Variants in KIF2A observed in about 807,000 individuals in gnomAD.
KIF2A encodes the protein kinesin-like protein KIF2A.
KIF2A carries 22 observed loss-of-function variants against 100.2 expected under a neutral mutation model. That is an observed-to-expected ratio of 0.22 (90% CI 0.16 to 0.31). The LOEUF (loss-of-function observed/expected upper bound fraction) is 0.31, where lower values mean the gene tolerates loss of function less well. Ranked by LOEUF, KIF2A falls within the 10% of genes least tolerant of loss-of-function variation. The pLI is 1.00. For missense variants in KIF2A, 495 were observed against 898.7 expected, an observed-to-expected ratio of 0.55 and a Z score of 5.74; for synonymous variants, 268 against 285.9, an observed-to-expected ratio of 0.94 and a Z score of 0.63.
chr5:62,318,727 A>T (rs981576044), intron 1 of KIF2A, among the ~76,000 whole-genome samples: 28 of 151,846 alleles, frequency 1.8e-4, no homozygotes, highest in Admixed American at 6.6e-5. Context: ...GCTTGATCCT[A>T]CCCCTGCAGT....
chr5:62,382,855 C>T (rs1213270953), intron 20 of KIF2A, among the ~76,000 whole-genome samples: 1 of 150,512 alleles, frequency 6.6e-6, no homozygotes, highest in African/African-American at 2.4e-5. Flanking sequence ...TTGAACTCCT[C>T]ACCTCAGGTG....
intron 1 of KIF2A, chr5:62,308,620 A>T (rs1436719268): frequency 2.0e-5 from 14 of 697,730 alleles, no homozygotes; most frequent in South Asian, 4.5e-5. Flanking sequence ...CCTACTGTTT[A>T]CCACAACATA....
Position 62,347,173 on chromosome 5 carries a change from T to C in KIF2A, c.108T>C (p.Asn36=), listed in dbSNP as rs1747614494. The change falls in exon 2 of 21, where the codon AAT becomes AAC. Residue 36 remains asparagine, a synonymous_variant. Transcript: ENST00000407818. ...TGGTAACATCTTTAAATGAAGATAA[T>C]GAAAGTGTAACTGTTGAATGGATAG... ...QAMVTSLNED[N]ESVTVEWIEN... is the part of the protein sequence containing the mutation. 1 of 1,604,344 alleles carries C rather than the reference T, an allele frequency of 6.2e-7. No homozygotes were observed.
At chr5:62,317,926 G>A in intron 1 of KIF2A, among the ~76,000 whole-genome samples, 1 of 141,630 alleles carries the variant, frequency 7.1e-6, no homozygotes, top group South Asian at 2.2e-4. Flanking sequence ...AAACTCTCTT[G>A]CTCACAAGAC....
In KIF2A at chr5:62,361,275, T is replaced by C; in HGVS notation, c.906T>C (p.Phe302=). The C allele has an allele frequency of 1.2e-6, 2 of 1,607,556 alleles. No homozygotes were observed. Among genetic ancestry groups the C allele is most frequent in the Non-Finnish European group, 1.7e-6 (2 of 1,176,296 alleles). Residue 302 remains phenylalanine (F), a synonymous_variant, in exon 10 of 21, where the codon TTT becomes TTC. Transcript: ENST00000407818. ...FTARPLVETI[F]ERGMATCFAY... ...CTAGACCACTAGTGGAAACTATATT[T>C]GAAAGGGGAATGGCTACATGCTTTG... is the stretch of plus-strand genomic sequence containing the variant.
In KIF2A at chr5:62,342,059, C is replaced by G. The variant is rs1024481114; in HGVS notation, c.65-5071C>G. On this transcript the variant is annotated intron_variant, in intron 1 of 20. Transcript: ENST00000407818. ...TTCCTTAGGCTGAAATATTTCCTTC[C>G]TTTCTGCTGATAAAACCATATCAGT... Among the ~76,000 whole-genome samples, 51 of 152,138 alleles carry G rather than the reference C, an allele frequency of 3.4e-4. 1 individual carries two copies. The highest frequency in any genetic ancestry group is 3.3e-3 in the Admixed American group (51 of 15,276).
At chr5:62,346,774 T>C (rs115011828) in intron 1 of KIF2A, among the ~76,000 whole-genome samples, 3,288 of 152,326 alleles carry the variant, frequency 0.022, 55 homozygotes, top group Middle Eastern at 0.044. Context: ...TTTTGTTCTT[T>C]GTTCTACAGA....
At position 62,324,147 on chromosome 5, in the gene KIF2A, C is replaced by T. The variant is rs146178057; in HGVS notation, c.64+17611C>T. On this transcript the variant is annotated intron_variant, in intron 1 of 20. Transcript: ENST00000407818. ...CTAAAGAATAAAATACCTAGGAATA[C>T]AGCTAACCAAGGAAGCGAAAGAGCT... Among the ~76,000 whole-genome samples, 766 of 152,222 alleles carry T rather than the reference C, an allele frequency of 5.0e-3. 2 individuals carry two copies. The highest frequency in any genetic ancestry group is 0.02 in the South Asian group (95 of 4,816).
intron 6 of KIF2A, among the ~76,000 whole-genome samples, 176 bp from the exon 7 acceptor site, chr5:62,354,983 A>G (rs573005803): frequency 6.6e-6 from 1 of 152,288 alleles, no homozygotes; most frequent in East Asian, 1.9e-4. Context: ...TACAAACACA[A>G]AGTGGTTCAG....
chr5:62,358,321 C>T (rs772621668), intron 9 of KIF2A, 22 bp downstream of exon 9: 2 of 1,518,518 alleles, frequency 1.3e-6, no homozygotes, highest in Admixed American at 4.7e-5. Flanking sequence ...CATTTTAAAT[C>T]AGAATTTTGT....
rs774666970 is a variant in KIF2A, at chr5:62,366,401, T to C, written c.1579-13T>C. ...AACATTTTGTTTACCTTTGCATTTT[T>C]TTTTTCCTGTAGATTGCCACAATCT... On this transcript the variant is annotated splice_polypyrimidine_tract_variant and intron_variant, in intron 15 of 20. Coordinates refer to ENST00000407818, the MANE Select transcript of KIF2A (RefSeq NM_001098511.3). 6.4e-7 allele frequency: 1 copy of C among 1,551,134 alleles called. No homozygotes were observed. Among genetic ancestry groups the C allele is most frequent in the Non-Finnish European group, 8.8e-7 (1 of 1,138,536 alleles).
rs1745280504 is a variant in KIF2A at position 62,306,499 on chromosome 5, C to A, written c.27C>A (p.Ile9=). The change falls in exon 1 of 21, where the codon ATC becomes ATA. Residue 9 remains isoleucine (I), a synonymous_variant. Coordinates refer to ENST00000407818, the MANE Select transcript of KIF2A (RefSeq NM_001098511.3). ...TGGCAACGGCCAACTTCGGCAAGAT[C>A]CAGATCGGGATTTACGTGGAGATCA... MATANFGK[I]QIGIYVEIKR... The A allele has an allele frequency of 5.2e-6, 8 of 1,545,062 alleles. No homozygotes were observed. The highest frequency in any genetic ancestry group is 3.6e-5 in the South Asian group (3 of 83,272).
Position 62,373,983 on chromosome 5 carries a change from G to T in KIF2A, c.1911+146G>T. ...ATCTCACCAATTTGGGAGGCTGAGT[G>T]AGAGGACTGCTTGAGGCCAGGAGTT... On this transcript the variant is annotated intron_variant, in intron 18 of 20. Coordinates refer to ENST00000407818, the MANE Select transcript of KIF2A (RefSeq NM_001098511.3). 4.6e-6 allele frequency: 3 copies of T among 650,504 alleles called. No homozygotes were observed. In the South Asian group the frequency reaches 5.7e-5, roughly 12 times the overall value. 40.3% of individuals were successfully genotyped at this position (650,504 alleles called of 1,614,324 possible). A position where few individuals can be genotyped will look rare whatever the true frequency, so the allele number is the denominator to read the frequency against.
chr5:62,371,660 A>C (rs1741335501), intron 16 of KIF2A, among the ~76,000 whole-genome samples: 1 of 152,210 alleles, frequency 6.6e-6, no homozygotes, highest in South Asian at 2.1e-4. Context: ...TGAAGGACTA[A>C]ATAATATAAT....
At chr5:62,361,699 T>G (rs535923440) in intron 11 of KIF2A, among the ~76,000 whole-genome samples, 170 bp downstream of exon 11, 1 of 140,872 alleles carries the variant, frequency 7.1e-6, no homozygotes, top group Admixed American at 7.3e-5. Flanking sequence ...GATTATATAT[T>G]CACAATAATT....
chr5:62,361,707 AT>A (rs11418602), intron 11 of KIF2A, among the ~76,000 whole-genome samples, 178 bp downstream of exon 11: 70 of 146,502 alleles, frequency 4.8e-4, no homozygotes, highest in South Asian at 8.6e-4. Flanking sequence ...ATTCACAATA[AT>A]TTTTTTTTTT....
rs1741608585 is a variant in KIF2A at position 62,377,645 on chromosome 5, C to T, written c.1912-16C>T. 1.4e-6 allele frequency: 2 copies of T among 1,382,444 alleles called. No homozygotes were observed. The highest frequency in any genetic ancestry group is 2.0e-6 in the Non-Finnish European group (2 of 1,009,004). 85.6% of individuals were successfully genotyped at this position (1,382,444 alleles called of 1,614,324 possible). ...TACACACTATATCATAATTTCTTAACTATTTTTATTTTAAGGAAGAAGAAG... is the reference window on the plus strand; with the variant it reads ...TACACACTATATCATAATTTCTTAATTATTTTTATTTTAAGGAAGAAGAAG... On this transcript the variant is annotated splice_polypyrimidine_tract_variant and intron_variant, in intron 18 of 20. Transcript: ENST00000407818.
intron 4 of KIF2A, among the ~76,000 whole-genome samples, chr5:62,351,573 C>CAGA (rs1747858609): frequency 6.6e-6 from 1 of 152,026 alleles, no homozygotes; most frequent in Non-Finnish European, 1.5e-5. Flanking sequence ...ACAGGATGGA[C>CAGA]AGAAGTATTA....
chr5:62,345,756 A>G (rs901888508), intron 1 of KIF2A, among the ~76,000 whole-genome samples: 2 of 152,162 alleles, frequency 1.3e-5, no homozygotes, highest in Non-Finnish European at 2.9e-5. Flanking sequence ...TTTCTGTACT[A>G]TATATCTGTT....
Sources: gnomAD v4.1 joint callset for allele counts (sites outside exome capture counted in the v4.1 genomes callset) on GRCh38, gnomAD v4.1.1 for gene constraint, MANE v1.5 for transcripts, NCBI Gene and HGNC (gene_info 2026-07-23, HGNC 2026-07-21) for gene names.